The following RRAGD variants were observed in gnomAD, a reference collection of about 807,000 sequenced individuals.
RRAGD encodes Ras related GTP binding D.
In RRAGD, 12 loss-of-function variants were observed where a neutral mutation model predicts 35.5. The observed-to-expected ratio is 0.34, with a 90% confidence interval of 0.22 to 0.55. The LOEUF (loss-of-function observed/expected upper bound fraction) is 0.55. Among genes scored for constraint, RRAGD ranks in the 20% least tolerant of loss-of-function variants. The pLI is 0.91. For synonymous variants in RRAGD, 155 were observed against 178.9 expected (o/e 0.87, Z 1.07); for missense variants, 324 against 490.1 (o/e 0.66, Z 3.20).
At chr6:89,407,002 TTC>T (rs1452835226) in intron 1 of RRAGD, among the ~76,000 whole-genome samples, 1 of 152,198 alleles carries the variant, frequency 6.6e-6, no homozygotes, top group Non-Finnish European at 1.5e-5. Context: ...GGTAAAAATG[TTC>T]TGATTTACCA....
At chr6:89,394,860 A>G (rs1283482469) in intron 1 of RRAGD, among the ~76,000 whole-genome samples, 1 of 152,232 alleles carries the variant, frequency 6.6e-6, no homozygotes, top group Non-Finnish European at 1.5e-5. Context: ...ATTTGGTTTT[A>G]ATTTTAAAAA....
At chr6:89,386,121 G>T (rs544444911) in intron 2 of RRAGD, among the ~76,000 whole-genome samples, 1 of 152,184 alleles carries the variant, frequency 6.6e-6, no homozygotes, top group Non-Finnish European at 1.5e-5. Context: ...TTGGTTCAGC[G>T]CATGCTGAGA....
intron 5 of RRAGD, 24 bp downstream of exon 5, chr6:89,377,647 G>A: frequency 3.3e-6 from 5 of 1,518,748 alleles, no homozygotes; most frequent in Non-Finnish European, 4.4e-6. Context: ...GCTTGATTGT[G>A]GCCTTTAAGA....
At chr6:89,379,010 C>T (rs1269850644) in intron 4 of RRAGD, among the ~76,000 whole-genome samples, 11 of 152,238 alleles carry the variant, frequency 7.2e-5, no homozygotes, top group Non-Finnish European at 2.9e-5. Flanking sequence ...GCCATCGTAA[C>T]GCCTCAACCT....
At chr6:89,388,388 A>C (rs1246558292) in intron 1 of RRAGD, among the ~76,000 whole-genome samples, 1 of 152,176 alleles carries the variant, frequency 6.6e-6, no homozygotes, top group Non-Finnish European at 1.5e-5. Context: ...AGCTGGGGGA[A>C]TATGAGAACA....
chr6:89,376,993 T>C (rs987191505), intron 5 of RRAGD, among the ~76,000 whole-genome samples: 2 of 152,200 alleles, frequency 1.3e-5, no homozygotes, highest in African/African-American at 4.8e-5. Flanking sequence ...CTCAGCCTAC[T>C]CAATGTGAAG....
chr6:89,396,824 C>A (rs1769343878), intron 1 of RRAGD, among the ~76,000 whole-genome samples: 2 of 148,540 alleles, frequency 1.3e-5, no homozygotes, highest in African/African-American at 5.1e-5. Context: ...TCACTGCAAC[C>A]TCCACCTCCT....
intron 1 of RRAGD, among the ~76,000 whole-genome samples, chr6:89,403,311 G>A (rs13190904): frequency 0.17 from 25,609 of 151,834 alleles, 2,288 homozygotes; most frequent in East Asian, 0.32. Flanking sequence ...TGGGCATGGT[G>A]GCGGGCGCCT....
chr6:89,405,485 C>T (rs939127096), intron 1 of RRAGD, among the ~76,000 whole-genome samples: 2 of 152,010 alleles, frequency 1.3e-5, no homozygotes, highest in African/African-American at 2.4e-5. Context: ...TATGTGACCC[C>T]ATACATGTCC....
At chr6:89,396,292 T>C (rs896862178) in intron 1 of RRAGD, among the ~76,000 whole-genome samples, 2 of 152,018 alleles carry the variant, frequency 1.3e-5, no homozygotes, top group African/African-American at 4.8e-5. Flanking sequence ...TCAAATGACA[T>C]TGTTAAGTAA....
intron 2 of RRAGD, 66 bp downstream of exon 2, chr6:89,387,217 TAAAAACCAAACC>T: frequency 6.8e-7 from 1 of 1,467,706 alleles, no homozygotes; most frequent in Non-Finnish European, 9.3e-7. Context: ...TTCCAGAGTT[TAAAAACCAAACC>T]AAAAACATGG....
chr6:89,381,347 T>G (rs1469856262), intron 2 of RRAGD, among the ~76,000 whole-genome samples: 2 of 152,142 alleles, frequency 1.3e-5, no homozygotes, highest in Non-Finnish European at 2.9e-5. Context: ...CTAGAGGAAT[T>G]GCCCCAAACA....
chr6:89,402,402 C>T (rs1014055490), intron 1 of RRAGD, among the ~76,000 whole-genome samples: 1 of 152,108 alleles, frequency 6.6e-6, no homozygotes, highest in African/African-American at 2.4e-5. Flanking sequence ...TCATTAAGTT[C>T]ACTCCAGAAA....
intron 1 of RRAGD, among the ~76,000 whole-genome samples, chr6:89,396,001 C>T (rs1769325300): frequency 1.3e-5 from 2 of 151,484 alleles, no homozygotes; most frequent in Non-Finnish European, 1.5e-5. Context: ...CACATCAACT[C>T]AAAATTGGTC....
chr6:89,368,307 G>A (rs1768792729), intron 6 of RRAGD, 100 bp from the exon 7 acceptor site: 2 of 1,066,394 alleles, frequency 1.9e-6, no homozygotes, highest in South Asian at 1.6e-5. Context: ...GGGCAGTAGA[G>A]GATGGTCTTA....
chr6:89,389,118 G>C (rs1485689888), intron 1 of RRAGD, among the ~76,000 whole-genome samples: 3 of 152,104 alleles, frequency 2.0e-5, no homozygotes, highest in Admixed American at 2.0e-4. Context: ...CTGTGGCCCG[G>C]GGTTTGGGGA....
chr6:89,371,803 G>C (rs1242298304), intron 6 of RRAGD, among the ~76,000 whole-genome samples: 1 of 152,078 alleles, frequency 6.6e-6, no homozygotes, highest in African/African-American at 2.4e-5. Context: ...CTTTTGTTTA[G>C]ATATTATAGA....
rs1768710241 is a variant in RRAGD, at chr6:89,364,798, A to G, written c.*3258T>C. ...GGAAAGGCTGTACTTCCTTTTCACC[A>G]AAGAGACAATTCTGCTCCCAGAAAG... On this transcript the variant is annotated 3_prime_UTR_variant, in exon 7 of 7. Transcript: ENST00000369415. 1 of 152,218 alleles carries G rather than the reference A, an allele frequency of 6.6e-6. No homozygotes were observed. The highest frequency in any genetic ancestry group is 2.4e-5 in the African/African-American group (1 of 41,458). The allele number at this position is 152,218 out of a possible 1,614,324, so 9.4% of individuals were successfully genotyped here.
intron 1 of RRAGD, among the ~76,000 whole-genome samples, chr6:89,401,445 A>C (rs1769459615): frequency 6.6e-6 from 1 of 152,030 alleles, no homozygotes; most frequent in South Asian, 2.1e-4. Context: ...TTTAGTAGAC[A>C]GGGTTTCGCC....
Sources: allele counts gnomAD v4.1 joint callset (sites outside exome capture counted in the v4.1 genomes callset), GRCh38; gene constraint gnomAD v4.1.1; transcripts MANE v1.5; gene names NCBI Gene and HGNC (gene_info 2026-07-23, HGNC 2026-07-21).